The following TMEM9 variants were observed in gnomAD, a reference collection of about 807,000 sequenced individuals.
TMEM9 encodes proton-transporting V-type ATPase complex assembly regulator TMEM9.
A neutral mutation model predicts 22.8 loss-of-function variants in TMEM9; 13 were observed. That is an observed-to-expected ratio of 0.57 (90% CI 0.37 to 0.91). The LOEUF (loss-of-function observed/expected upper bound fraction) is 0.91, where lower values mean the gene tolerates loss of function less well. Ranked by LOEUF, TMEM9 falls within the 40% of genes least tolerant of loss-of-function variation. The pLI is 0.01. For missense variants in TMEM9, 182 were observed against 238.1 expected (o/e 0.76, Z 1.55); for synonymous variants, 88 against 93.0 (o/e 0.95, Z 0.31).
chr1:201,171,408 T>C (rs1666207487), intron 1 of TMEM9: 1 of 152,268 alleles, frequency 6.6e-6, no homozygotes, highest in African/African-American at 2.4e-5. Context: ...TGGGTCCTTC[T>C]GATCCCAGAA....
At chr1:201,152,904 C>G (rs1231654762) in intron 1 of TMEM9, among the ~76,000 whole-genome samples, 1 of 152,362 alleles carries the variant, frequency 6.6e-6, no homozygotes, top group East Asian at 1.9e-4. Context: ...AAAGAGACTT[C>G]TAAGACAAAA....
At chr1:201,168,574 C>T (rs570719184) in intron 1 of TMEM9, among the ~76,000 whole-genome samples, 6 of 152,232 alleles carry the variant, frequency 3.9e-5, no homozygotes, top group Non-Finnish European at 8.8e-5. Context: ...CAAAAATTAG[C>T]TGGGTGTGGT....
chr1:201,147,105 C>T (rs1349122045), intron 2 of TMEM9, among the ~76,000 whole-genome samples: 11 of 152,310 alleles, frequency 7.2e-5, no homozygotes, highest in Admixed American at 6.5e-5. Flanking sequence ...AAACCATCAA[C>T]GTTCCCAGGG....
chr1:201,142,535 T>C, intron 4 of TMEM9, among the ~76,000 whole-genome samples: 1 of 152,270 alleles, frequency 6.6e-6, no homozygotes, highest in East Asian at 1.9e-4. Context: ...TGAAGGCAGC[T>C]ATCATGCGTC....
chr1:201,136,625 C>T (rs1005803491), intron 4 of TMEM9, among the ~76,000 whole-genome samples: 6 of 152,202 alleles, frequency 3.9e-5, no homozygotes, highest in African/African-American at 1.4e-4. Context: ...ATCCCCTTCC[C>T]CTTTGCTTTC....
At chr1:201,161,883 GTT>G (rs1203853777) in intron 1 of TMEM9, among the ~76,000 whole-genome samples, 1 of 152,092 alleles carries the variant, frequency 6.6e-6, no homozygotes, top group Admixed American at 6.6e-5. Flanking sequence ...GCACTTTTTG[GTT>G]TTTTAATGCA....
At chr1:201,146,530 G>C (rs1664986951) in intron 3 of TMEM9, 2 of 662,018 alleles carry the variant, frequency 3.0e-6, no homozygotes, top group Middle Eastern at 2.8e-4. Context: ...TCACTGTAAT[G>C]GTAACTACTG....
chr1:201,140,325 C>T (rs1031894731), intron 4 of TMEM9, among the ~76,000 whole-genome samples: 5 of 152,204 alleles, frequency 3.3e-5, no homozygotes, highest in African/African-American at 1.2e-4. Flanking sequence ...CAAAGAGGGC[C>T]CAACCTGCAC....
intron 1 of TMEM9, among the ~76,000 whole-genome samples, chr1:201,162,937 T>C (rs1665984412): frequency 1.3e-5 from 2 of 152,066 alleles, no homozygotes; most frequent in Admixed American, 1.3e-4. Flanking sequence ...GATATACATA[T>C]GGCAAATAAG....
At chr1:201,137,182 G>T (rs962937989) in intron 4 of TMEM9, among the ~76,000 whole-genome samples, 1 of 152,258 alleles carries the variant, frequency 6.6e-6, no homozygotes, top group South Asian at 2.1e-4. Context: ...GTGTGGCCAT[G>T]TCAGGCAGGG....
At chr1:201,149,420 A>C (rs1280043827) in intron 2 of TMEM9, among the ~76,000 whole-genome samples, 1 of 152,208 alleles carries the variant, frequency 6.6e-6, no homozygotes, top group Non-Finnish European at 1.5e-5. Flanking sequence ...TTGTTTGCAG[A>C]GAAGTTCTAT....
At chr1:201,162,512 C>T (rs12749856) in intron 1 of TMEM9, among the ~76,000 whole-genome samples, 27,620 of 146,984 alleles carry the variant, frequency 0.19, 2,860 homozygotes, top group Non-Finnish European at 0.23. Context: ...TGAATGGTGC[C>T]GGAACAACTG....
At chr1:201,162,172 ATT>A (rs780290592) in intron 1 of TMEM9, among the ~76,000 whole-genome samples, 18 of 140,768 alleles carry the variant, frequency 1.3e-4, no homozygotes, top group African/African-American at 3.1e-4. Flanking sequence ...TGCCCAATTG[ATT>A]TTTTTTTTTT....
In TMEM9 at chr1:201,143,965, C is replaced by T. The variant is rs546170329; in HGVS notation, c.268-14G>A. 2.3e-5 allele frequency: 37 copies of T among 1,613,574 alleles called. No homozygotes were observed. Among genetic ancestry groups the T allele is most frequent in the Admixed American group, 8.3e-5 (5 of 59,976 alleles). On this transcript the variant is annotated splice_polypyrimidine_tract_variant and intron_variant, in intron 3 of 4. Coordinates refer to ENST00000367330, the MANE Select transcript of TMEM9 (RefSeq NM_001288565.2). Reference sequence around the variant, plus strand: ...GACAATGATGACCTGAGGAAGAGACCGGCGTGCCTATGAACCATTATCTGA... The same window carrying T: ...GACAATGATGACCTGAGGAAGAGACTGGCGTGCCTATGAACCATTATCTGA...
chr1:201,151,196 T>C (rs1665401949), intron 2 of TMEM9, among the ~76,000 whole-genome samples: 1 of 152,230 alleles, frequency 6.6e-6, no homozygotes, highest in South Asian at 2.1e-4. Flanking sequence ...TCCAGGACAA[T>C]GTGCTAAAAC....
intron 4 of TMEM9, among the ~76,000 whole-genome samples, chr1:201,138,586 C>G (rs1373947858): frequency 2.0e-5 from 3 of 152,160 alleles, no homozygotes; most frequent in African/African-American, 7.2e-5. Flanking sequence ...CCCTCCCAAT[C>G]AGAAAAAGAG....
At chr1:201,155,470 T>A (rs1477117141), upstream of TMEM9, among the ~76,000 whole-genome samples, 2 of 152,204 alleles carry the variant, frequency 1.3e-5, no homozygotes, top group African/African-American at 4.8e-5. Context: ...GCCACTGAGT[T>A]TGTGTTCCTC....
intron 3 of TMEM9, among the ~76,000 whole-genome samples, chr1:201,146,424 T>G (rs898862986): frequency 5.3e-5 from 8 of 152,068 alleles, no homozygotes. Flanking sequence ...GAAAAGAGAT[T>G]TACTGGATGA....
rs370470549 is a variant in TMEM9 at position 201,135,780 on chromosome 1, G to A, written c.435C>T (p.Leu145=). Residue 145 remains leucine, a synonymous_variant, in exon 5 of 5, where the codon CTC becomes CTT. Coordinates refer to ENST00000367330, the MANE Select transcript of TMEM9 (RefSeq NM_001288565.2). The part of the protein sequence containing the change: ...ARSMAAAAAS[L]GGPRANTVLE... Reference sequence around the variant, plus strand: ...GGACTGTGTTTGCTCGGGGTCCCCCGAGGGATGCAGCAGCTGCTGCCATAG... The same window carrying A: ...GGACTGTGTTTGCTCGGGGTCCCCCAAGGGATGCAGCAGCTGCTGCCATAG... The A allele has an allele frequency of 3.0e-5, 49 of 1,611,894 alleles. No individual in the cohort carries two copies. Among genetic ancestry groups the A allele is most frequent in the South Asian group, 5.5e-5 (5 of 90,694 alleles).
Sources: gnomAD v4.1 joint callset for allele counts (sites outside exome capture counted in the v4.1 genomes callset) on GRCh38, gnomAD v4.1.1 for gene constraint, MANE v1.5 for transcripts, NCBI Gene and HGNC (gene_info 2026-07-23, HGNC 2026-07-21) for gene names.